The following C6 variants were observed in gnomAD, a reference collection of about 807,000 sequenced individuals.
C6 encodes complement component C6.
In C6, 101 loss-of-function variants were observed where a neutral mutation model predicts 112.9. The observed-to-expected ratio is 0.89, with a 90% confidence interval of 0.76 to 1.06. C6 has a LOEUF of 1.06. Among genes scored for constraint, C6 ranks in the 50% least tolerant of loss-of-function variants. The pLI is 0.00. For missense variants in C6, 1,202 were observed against 1,104.6 expected, an observed-to-expected ratio of 1.09 and a Z score of -1.25; for synonymous variants, 431 against 384.1, an observed-to-expected ratio of 1.12 and a Z score of -1.43.
In C6 at chr5:41,158,711, C is replaced by G. The variant is rs781192851; in HGVS notation, c.1931G>C (p.Cys644Ser). The change falls in exon 13 of 18, where the codon TGT becomes TCT. Residue 644 changes from cysteine (C) to serine (S), a missense_variant. Transcript: ENST00000337836. ...DLPEIEADSG[C>S]PQPVPPENGF... is the part of the protein sequence containing the mutation. ...ATTTTCTGGAGGAACTGGCTGAGGA[C>G]ACCCGGAATCTGCTTCTATCTCAGG... 1.2e-5 allele frequency: 20 copies of G among 1,610,746 alleles called. No homozygotes were observed. The highest frequency in any genetic ancestry group is 8.5e-7 in the Non-Finnish European group (1 of 1,177,202).
intron 5 of C6, among the ~76,000 whole-genome samples, chr5:41,189,140 G>T (rs1307634424): frequency 6.6e-6 from 1 of 152,066 alleles, no homozygotes; most frequent in Non-Finnish European, 1.5e-5. Context: ...TTTGATGAAG[G>T]TGTGGAGAAG....
chr5:41,234,346 T>TTTTTTTG (rs1740104259), intron 1 of C6, among the ~76,000 whole-genome samples: 1 of 139,044 alleles, frequency 7.2e-6, no homozygotes, highest in African/African-American at 3.1e-5. Flanking sequence ...TCGTTTTTTT[T>TTTTTTTG]TTTGTTTTTT....
chr5:41,179,817 A>G (rs1749175940), intron 7 of C6, among the ~76,000 whole-genome samples: 2 of 151,752 alleles, frequency 1.3e-5, no homozygotes, highest in African/African-American at 4.8e-5. Flanking sequence ...TAAATAAATG[A>G]ATGAATAAAG....
At chr5:41,219,998 T>C (rs1043955752) in intron 1 of C6, among the ~76,000 whole-genome samples, 1 of 152,102 alleles carries the variant, frequency 6.6e-6, no homozygotes, top group African/African-American at 2.4e-5. Flanking sequence ...CAGGAACAAA[T>C]TGAAAAGTGT....
chr5:41,163,992 T>C (rs1270949989), intron 9 of C6, among the ~76,000 whole-genome samples: 1 of 151,808 alleles, frequency 6.6e-6, no homozygotes, highest in African/African-American at 2.4e-5. Context: ...CCCAGATAAA[T>C]ATAAAATATC....
rs1046453076 is a variant in C6, at chr5:41,210,508, A to G, written c.-21+2868T>C. 5.9e-5 allele frequency among the ~76,000 whole-genome samples: 9 copies of G among 152,368 alleles called. No individual in the cohort carries two copies. The East Asian group carries it at 1.7e-3, about 29-fold the overall frequency. On this transcript the variant is annotated intron_variant, in intron 1 of 17. Transcript: ENST00000337836. ...ATATCCAGAATCTACAAAGAACTCAAACAAATTTACAAGAAAAAATCAAAC... is the reference window on the plus strand; with the variant it reads ...ATATCCAGAATCTACAAAGAACTCAGACAAATTTACAAGAAAAAATCAAAC...
At position 41,161,763 on chromosome 5, in the gene C6, C is replaced by G. The variant is rs755509787; in HGVS notation, c.1388G>C (p.Gly463Ala). Residue 463 changes from glycine (G) to alanine (A), a missense_variant, in exon 10 of 18, where the codon GGT (glycine) becomes GCT (alanine). Coordinates refer to ENST00000337836, the MANE Select transcript of C6 (RefSeq NM_000065.5). Reference sequence around the variant, plus strand: ...CTCAGAAAATGTCTTCTCCTCCAGACCAGAGCTCCCTTTCTCCCATGCCAA... The same window carrying G: ...CTCAGAAAATGTCTTCTCCTCCAGAGCAGAGCTCCCTTTCTCCCATGCCAA... ...AALAWEKGSS[G>A]LEEKTFSEWL... The G allele has an allele frequency of 9.3e-6, 15 of 1,613,668 alleles. No homozygotes were observed. The highest frequency in any genetic ancestry group is 1.3e-5 in the Non-Finnish European group (15 of 1,179,674).
intron 1 of C6, among the ~76,000 whole-genome samples, chr5:41,239,165 G>A (rs1184765188): frequency 7.2e-6 from 1 of 139,460 alleles, no homozygotes; most frequent in Non-Finnish European, 1.5e-5. Context: ...AGGCTGGAGT[G>A]CAAATGGCAT....
intron 1 of C6, among the ~76,000 whole-genome samples, chr5:41,211,754 G>C (rs981680700): frequency 6.6e-6 from 1 of 151,088 alleles, no homozygotes; most frequent in Admixed American, 6.6e-5. Flanking sequence ...TTAGATGTTG[G>C]ACAAGACAGA....
intron 1 of C6, among the ~76,000 whole-genome samples, chr5:41,227,966 T>C (rs1739628034): frequency 6.6e-6 from 1 of 152,134 alleles, no homozygotes; most frequent in Non-Finnish European, 1.5e-5. Flanking sequence ...TTTTGGTTCC[T>C]TACAAGTTTT....
chr5:41,206,628 G>C (rs1302230996), intron 1 of C6, among the ~76,000 whole-genome samples: 2 of 152,172 alleles, frequency 1.3e-5, no homozygotes, highest in African/African-American at 4.8e-5. Context: ...GGGTTTCAGT[G>C]ATTGAAGATC....
At chr5:41,235,279 A>G (rs1331704057) in intron 1 of C6, among the ~76,000 whole-genome samples, 2 of 128,800 alleles carry the variant, frequency 1.6e-5, no homozygotes, top group Non-Finnish European at 3.2e-5. Context: ...TCCTGTGTCC[A>G]TGTGATCTCA....
At chr5:41,171,148 A>G (rs998257506) in intron 9 of C6, among the ~76,000 whole-genome samples, 1 of 152,196 alleles carries the variant, frequency 6.6e-6, no homozygotes, top group Non-Finnish European at 1.5e-5. Context: ...TGAAGGTTTT[A>G]TATCCATGGA....
chr5:41,203,289 T>G (rs879654939), intron 1 of C6, 39 bp from the exon 2 acceptor site: 6 of 1,603,068 alleles, frequency 3.7e-6, no homozygotes, highest in Non-Finnish European at 5.1e-6. Context: ...CAAATGCTTT[T>G]TTGAGGTAAA....
intron 3 of C6, among the ~76,000 whole-genome samples, chr5:41,200,692 A>G (rs1471985782): frequency 6.6e-6 from 1 of 152,096 alleles, no homozygotes; most frequent in African/African-American, 2.4e-5. Context: ...TGTGGTTCAC[A>G]TTGGCCGATG....
intron 9 of C6, among the ~76,000 whole-genome samples, chr5:41,167,116 T>C (rs1748043520): frequency 6.6e-6 from 1 of 152,092 alleles, no homozygotes; most frequent in Non-Finnish European, 1.5e-5. Context: ...TCATGGGCTT[T>C]CTATATATAC....
chr5:41,142,931 A>G lies in C6; in HGVS notation c.2699T>C (p.Met900Thr), dbSNP rs776857416. 15 of 1,613,556 alleles carry G rather than the reference A, an allele frequency of 9.3e-6. No homozygotes were observed. The Admixed American group carries it at 2.5e-4, about 27-fold the overall frequency. The change falls in exon 18 of 18, where the codon ATG becomes ACG. Residue 900 changes from methionine to threonine, a missense_variant. By Grantham distance (81) the Met-to-Thr change is moderately conservative (BLOSUM62 -1). Transcript: ENST00000337836. ...TGTTTTCTCACTTGTTGATGATCCCATTTTGACACAGTAGAGTTGGTTTCC... is the reference window on the plus strand; with the variant it reads ...TGTTTTCTCACTTGTTGATGATCCCGTTTTGACACAGTAGAGTTGGTTTCC... ...KGGNQLYCVK[M>T]GSSTSEKTLN...
At chr5:41,251,483 C>A (rs1477837931) in intron 1 of C6, among the ~76,000 whole-genome samples, 1 of 152,120 alleles carries the variant, frequency 6.6e-6, no homozygotes, top group Non-Finnish European at 1.5e-5. Context: ...ATCTTGTTGC[C>A]ACCAACCCTG....
chr5:41,246,435 G>A (rs1228411282), intron 1 of C6, among the ~76,000 whole-genome samples: 1 of 152,008 alleles, frequency 6.6e-6, no homozygotes, highest in Non-Finnish European at 1.5e-5. Context: ...ATTCTTAGTG[G>A]GAGTGCTGTT....
Sources: gnomAD v4.1 joint callset for allele counts (sites outside exome capture counted in the v4.1 genomes callset) on GRCh38, gnomAD v4.1.1 for gene constraint, MANE v1.5 for transcripts, NCBI Gene and HGNC (gene_info 2026-07-23, HGNC 2026-07-21) for gene names.